Variants in GRIP1 observed in about 807,000 individuals in gnomAD.
GRIP1 encodes glutamate receptor interacting protein 1, also known as glutamate receptor-interacting protein 1.
Under a neutral mutation model 129.9 loss-of-function variants are expected in GRIP1, and 45 were observed. The ratio of observed to expected loss-of-function variants is 0.35; its 90% CI spans 0.27 to 0.44. The LOEUF (loss-of-function observed/expected upper bound fraction) is 0.44, where lower values mean the gene tolerates loss of function less well. Among genes scored for constraint, GRIP1 ranks in the 20% least tolerant of loss-of-function variants. The pLI, the probability that GRIP1 is intolerant of heterozygous loss-of-function variation, is 1.00. For missense variants in GRIP1, 1,196 were observed against 1,396.8 expected (o/e 0.86, Z 2.29); for synonymous variants, 530 against 520.8 (o/e 1.02, Z -0.24).
At chr12:66,687,141 A>C (rs989909420) in intron 1 of GRIP1, among the ~76,000 whole-genome samples, 2 of 152,146 alleles carry the variant, frequency 1.3e-5, no homozygotes, top group Non-Finnish European at 2.9e-5. Context: ...AAGACACGTT[A>C]CTCCTTCAAA....
chr12:66,363,175 A>C (rs1335572553), intron 23 of GRIP1, among the ~76,000 whole-genome samples: 1 of 37,644 alleles, frequency 2.7e-5, no homozygotes, highest in Non-Finnish European at 4.9e-5. Flanking sequence ...ACACACACAT[A>C]TATGTATATA....
intron 1 of GRIP1, among the ~76,000 whole-genome samples, chr12:66,820,148 C>T (rs1372993501): frequency 1.4e-4 from 22 of 152,258 alleles, no homozygotes; most frequent in Admixed American, 9.8e-4. Context: ...CGGTGGCTCA[C>T]GCCTGTAATC....
At chr12:66,554,556 T>G (rs1454882685) in intron 2 of GRIP1, among the ~76,000 whole-genome samples, 1 of 152,138 alleles carries the variant, frequency 6.6e-6, no homozygotes, top group Non-Finnish European at 1.5e-5. Context: ...AGGTACCAGT[T>G]TGGCCACAGG....
chr12:66,839,622 C>A (rs2039678667), intron 1 of GRIP1, among the ~76,000 whole-genome samples: 1 of 152,116 alleles, frequency 6.6e-6, no homozygotes, highest in South Asian at 2.1e-4. Context: ...GAAAGATATC[C>A]CCAAAGGGAT....
chr12:66,477,436 G>A (rs1253847301), intron 7 of GRIP1, among the ~76,000 whole-genome samples: 1 of 151,880 alleles, frequency 6.6e-6, no homozygotes. Flanking sequence ...TCAATACCGT[G>A]AAAATGGCCA....
At chr12:67,001,276 T>C (rs2042546945) in intron 1 of GRIP1, among the ~76,000 whole-genome samples, 1 of 152,140 alleles carries the variant, frequency 6.6e-6, no homozygotes, top group Non-Finnish European at 1.5e-5. Flanking sequence ...CCCACATAAA[T>C]TATACTGAGA....
chr12:66,781,583 A>AT (rs2038161879), intron 1 of GRIP1, among the ~76,000 whole-genome samples: 1 of 152,170 alleles, frequency 6.6e-6, no homozygotes, highest in African/African-American at 2.4e-5. Context: ...TAATTTTAGA[A>AT]TTTTTTTCAT....
chr12:66,777,730 AC>A (rs1241949329), intron 1 of GRIP1, among the ~76,000 whole-genome samples: 1 of 152,170 alleles, frequency 6.6e-6, no homozygotes, highest in African/African-American at 2.4e-5. Flanking sequence ...ATGCATACCT[AC>A]ACACACACGA....
In GRIP1 at chr12:66,353,520, C is replaced by G; in HGVS notation, c.3056G>C (p.Ser1019Thr). 2 of 1,613,774 alleles carry G rather than the reference C, an allele frequency of 1.2e-6. No homozygotes were observed. Among genetic ancestry groups the G allele is most frequent in the Non-Finnish European group, 1.7e-6 (2 of 1,179,636 alleles). The stretch of plus-strand genomic sequence containing the variant: ...TTTCTCCAGTAAGCCATCTGCTACA[C>G]TGAACCCAAAGTCCTCCATGTCAGA... ...KDSDMEDFGF[S>T]VADGLLEKGV... The change falls in exon 24 of 25, where the codon AGT becomes ACT. Residue 1019 changes from serine (S) to threonine (T), a missense_variant. Ser to Thr is a moderately conservative substitution (Grantham distance 58). Coordinates refer to ENST00000359742, the MANE Select transcript of GRIP1 (RefSeq NM_001366722.1).
chr12:66,864,131 C>T (rs766255328), intron 1 of GRIP1, among the ~76,000 whole-genome samples: 3 of 152,026 alleles, frequency 2.0e-5, no homozygotes, highest in African/African-American at 4.8e-5. Flanking sequence ...GTGTGGATCC[C>T]GAGTGGATCT....
At chr12:66,576,504 C>G (rs181085042) in intron 2 of GRIP1, among the ~76,000 whole-genome samples, 1 of 152,172 alleles carries the variant, frequency 6.6e-6, no homozygotes, top group African/African-American at 2.4e-5. Flanking sequence ...CTGACTCACT[C>G]GAGAGCTGTG....
At chr12:66,602,000 A>G (rs904050668) in intron 1 of GRIP1, among the ~76,000 whole-genome samples, 1 of 152,214 alleles carries the variant, frequency 6.6e-6, no homozygotes, top group Non-Finnish European at 1.5e-5. Flanking sequence ...GTGAGTGAGC[A>G]TGGGCTTAGG....
At chr12:66,447,337 G>A (rs773673313) in intron 11 of GRIP1, among the ~76,000 whole-genome samples, 25 of 152,208 alleles carry the variant, frequency 1.6e-4, no homozygotes, top group Non-Finnish European at 2.8e-4. Flanking sequence ...CTAAGTTGCT[G>A]AAGGGTGCTA....
chr12:66,990,574 TACTC>T lies in GRIP1; in HGVS notation c.58+78472_58+78475del, dbSNP rs2042379341. ...CTTTCTAGCCGTGAGGCTCATGTAA[TACTC>T]ACAACAACCTGAGGAAGGCAATTTA... On this transcript the variant is annotated intron_variant, in intron 1 of 1. Transcript: ENST00000643019. Among the ~76,000 whole-genome samples, 5 of 152,346 alleles carry T rather than the reference TACTC, an allele frequency of 3.3e-5. No homozygotes were observed. The South Asian group carries it at 6.2e-4, about 19-fold the overall frequency.
chr12:66,476,147 G>A (rs1654211433), intron 7 of GRIP1, among the ~76,000 whole-genome samples: 1 of 151,666 alleles, frequency 6.6e-6, no homozygotes, highest in South Asian at 2.1e-4. Flanking sequence ...AAAGAGGGAA[G>A]AATCAAATAG....
At chr12:66,607,258 A>G (rs1361120599) in intron 1 of GRIP1, among the ~76,000 whole-genome samples, 1 of 152,178 alleles carries the variant, frequency 6.6e-6, no homozygotes, top group Non-Finnish European at 1.5e-5. Flanking sequence ...AAGATGCAAG[A>G]TTCTTTCCAG....
At chr12:66,372,700 A>C (rs2055577589) in intron 22 of GRIP1, among the ~76,000 whole-genome samples, 1 of 152,182 alleles carries the variant, frequency 6.6e-6, no homozygotes, top group Non-Finnish European at 1.5e-5. Flanking sequence ...TCTTCCCTGA[A>C]TACTTCACAA....
At chr12:66,463,959 C>T (rs1014433449) in intron 8 of GRIP1, among the ~76,000 whole-genome samples, 3 of 152,184 alleles carry the variant, frequency 2.0e-5, no homozygotes, top group South Asian at 4.1e-4. Flanking sequence ...ATGGCTGTCA[C>T]TGATAAGGAC....
intron 1 of GRIP1, chr12:67,065,202 G>A (rs946623744): frequency 4.8e-5 from 7 of 145,100 alleles, no homozygotes; most frequent in Non-Finnish European, 1.1e-4. Flanking sequence ...GCCAGCCATG[G>A]TGGTAACATG....
Sources: allele counts gnomAD v4.1 joint callset (sites outside exome capture counted in the v4.1 genomes callset), GRCh38; gene constraint gnomAD v4.1.1; transcripts MANE v1.5; gene names NCBI Gene and HGNC (gene_info 2026-07-23, HGNC 2026-07-21).